The following GRM7 variants were observed in gnomAD, a reference collection of about 807,000 sequenced individuals.
GRM7 encodes the protein glutamate metabotropic receptor 7.
A neutral mutation model predicts 84.5 loss-of-function variants in GRM7; 35 were observed. The ratio of observed to expected loss-of-function variants is 0.41; its 90% confidence interval spans 0.32 to 0.55. GRM7 has a LOEUF of 0.55. Among genes scored for constraint, GRM7 ranks in the 20% least tolerant of loss-of-function variants. The pLI is 0.19. For missense variants in GRM7, 1,003 were observed against 1,194.6 expected (o/e 0.84, Z 2.36); for synonymous variants, 487 against 455.1 (o/e 1.07, Z -0.89).
At chr3:7,501,116 T>C (rs890539560) in intron 7 of GRM7, among the ~76,000 whole-genome samples, 1 of 152,184 alleles carries the variant, frequency 6.6e-6, no homozygotes, top group Non-Finnish European at 1.5e-5. Context: ...TATTATTGAG[T>C]ACCTAAAATA....
At chr3:7,585,334 T>TAGTC (rs1303319193) in intron 8 of GRM7, among the ~76,000 whole-genome samples, 2 of 152,328 alleles carry the variant, frequency 1.3e-5, no homozygotes, top group African/African-American at 4.8e-5. Context: ...TGGTGTTAGC[T>TAGTC]AGTCGCTTGG....
intron 1 of GRM7, among the ~76,000 whole-genome samples, chr3:7,125,154 G>T (rs909875893): frequency 6.6e-6 from 1 of 152,042 alleles, no homozygotes; most frequent in Non-Finnish European, 1.5e-5. Flanking sequence ...TGGCCAGGCT[G>T]GTCTCAAACT....
chr3:6,923,319 C>A (rs78166694), intron 1 of GRM7, among the ~76,000 whole-genome samples: 2 of 105,994 alleles, frequency 1.9e-5, no homozygotes, highest in African/African-American at 6.7e-5. Context: ...CCAGCCCACA[C>A]GAACATGAAA....
chr3:7,092,153 C>G (rs1254352543), intron 1 of GRM7, among the ~76,000 whole-genome samples: 1 of 152,080 alleles, frequency 6.6e-6, no homozygotes, highest in Non-Finnish European at 1.5e-5. Context: ...GGACTACAGG[C>G]ATTCACCATT....
chr3:7,698,001 G>T (rs935603829), intron 9 of GRM7, among the ~76,000 whole-genome samples: 2 of 152,202 alleles, frequency 1.3e-5, no homozygotes, highest in Non-Finnish European at 2.9e-5. Context: ...AGAAAAGTTT[G>T]CTATTAATTT....
chr3:7,082,610 C>T (rs73112900), intron 1 of GRM7, among the ~76,000 whole-genome samples: 17,668 of 152,028 alleles, frequency 0.12, 2,618 homozygotes, highest in African/African-American at 0.33. Flanking sequence ...AAAGCTATAG[C>T]TGCCATAGAT....
intron 5 of GRM7, among the ~76,000 whole-genome samples, chr3:7,418,346 G>A (rs907187016): frequency 1.3e-4 from 20 of 152,114 alleles, no homozygotes; most frequent in Non-Finnish European, 2.4e-4. Context: ...ATCACTCAGC[G>A]TGAAATGCAG....
intron 1 of GRM7, among the ~76,000 whole-genome samples, chr3:7,145,018 G>T (rs561108389): frequency 1.3e-5 from 2 of 152,322 alleles, no homozygotes; most frequent in South Asian, 4.1e-4. Context: ...TGTTGGTGGA[G>T]AAATGATTTT....
intron 1 of GRM7, among the ~76,000 whole-genome samples, chr3:6,887,736 G>T (rs991426007): frequency 4.0e-4 from 61 of 152,096 alleles, no homozygotes; most frequent in African/African-American, 1.3e-3. Context: ...AGTCCTTTGG[G>T]TATATACCCC....
intron 1 of GRM7, among the ~76,000 whole-genome samples, chr3:6,965,852 C>T (rs1177807867): frequency 1.3e-5 from 2 of 152,100 alleles, no homozygotes; most frequent in Non-Finnish European, 2.9e-5. Flanking sequence ...GAGGGGTCTG[C>T]TGATTACAGA....
intron 1 of GRM7, among the ~76,000 whole-genome samples, chr3:6,910,749 G>A (rs1696740651): frequency 2.0e-5 from 3 of 152,104 alleles, no homozygotes; most frequent in Non-Finnish European, 4.4e-5. Context: ...TCTCTGCCCA[G>A]GAAGAGGAAA....
At chr3:7,625,336 A>G (rs1393842614) in intron 8 of GRM7, among the ~76,000 whole-genome samples, 5 of 152,176 alleles carry the variant, frequency 3.3e-5, no homozygotes, top group Admixed American at 6.5e-5. Context: ...TTCACAGTCT[A>G]GAGGGCAAGA....
intron 2 of GRM7, among the ~76,000 whole-genome samples, chr3:7,234,452 C>T (rs1337392002): frequency 6.6e-6 from 1 of 152,128 alleles, no homozygotes; most frequent in Non-Finnish European, 1.5e-5. Flanking sequence ...AAAGTATCTG[C>T]CTCATAGAAT....
At position 7,680,136 on chromosome 3, in the gene GRM7, A is replaced by C. The variant is rs753764677; in HGVS notation, c.2539A>C (p.Ile847Leu). ...GATGCTATACATGCCGAAAGTGTACATCATCATTTTCCACCCTGAACTCAA... is the reference window on the plus strand; with the variant it reads ...GATGCTATACATGCCGAAAGTGTACCTCATCATTTTCCACCCTGAACTCAA... ...LGMLYMPKVY[I>L]IIFHPELNVQ... The change falls in exon 9 of 10, where the codon ATC becomes CTC. Residue 847 changes from isoleucine (I) to leucine (L), a missense_variant. This residue lies in a region of GRM7 where 910 missense variants were observed against 1,126.0 expected (regional missense o/e 0.81). Coordinates refer to ENST00000357716, the MANE Select transcript of GRM7 (RefSeq NM_000844.4). 7.4e-6 allele frequency: 12 copies of C among 1,614,028 alleles called. No homozygotes were observed. Among genetic ancestry groups the C allele is most frequent in the Non-Finnish European group, 1.0e-5 (12 of 1,180,016 alleles).
chr3:7,283,400 G>GTTATTATTA (rs61500951), intron 2 of GRM7, among the ~76,000 whole-genome samples: 5 of 150,312 alleles, frequency 3.3e-5, no homozygotes, highest in African/African-American at 9.8e-5. Flanking sequence ...TGAGGTTGCT[G>GTTATTATTA]TTATTATTAT....
intron 9 of GRM7, among the ~76,000 whole-genome samples, chr3:7,707,954 T>A (rs1375551473): frequency 7.6e-6 from 1 of 131,084 alleles, no homozygotes; most frequent in Non-Finnish European, 1.7e-5. Context: ...TTTTTTTTTT[T>A]ACTTCCCATG....
At chr3:7,701,556 G>A (rs138822455) in intron 9 of GRM7, among the ~76,000 whole-genome samples, 1 of 151,968 alleles carries the variant, frequency 6.6e-6, no homozygotes, top group Non-Finnish European at 1.5e-5. Flanking sequence ...ACTCGCCTCG[G>A]CCCCCCAAAG....
intron 7 of GRM7, among the ~76,000 whole-genome samples, chr3:7,548,381 A>C (rs1276354322): frequency 6.6e-6 from 1 of 152,186 alleles, no homozygotes; most frequent in Non-Finnish European, 1.5e-5. Context: ...CCTTCACCAG[A>C]AGCCAAGCAG....
At chr3:7,016,448 A>C (rs1182569182) in intron 1 of GRM7, among the ~76,000 whole-genome samples, 1 of 152,110 alleles carries the variant, frequency 6.6e-6, no homozygotes, top group South Asian at 2.1e-4. Flanking sequence ...ACAGAAATTG[A>C]GGAGGGGTGA....
Sources: gnomAD v4.1 joint callset for allele counts (sites outside exome capture counted in the v4.1 genomes callset) on GRCh38, gnomAD v4.1.1 for gene constraint, gnomAD v4.1.1 regional missense constraint, MANE v1.5 for transcripts, NCBI Gene and HGNC (gene_info 2026-07-23, HGNC 2026-07-21) for gene names.